CTR9: variants seen among roughly 807,000 people sequenced by gnomAD.
The protein encoded by CTR9 is CTR9 component of Paf1/RNA polymerase II complex, also known as RNA polymerase-associated protein CTR9 homolog.
CTR9 carries 41 observed loss-of-function variants against 152.1 expected under a neutral mutation model. The ratio of observed to expected loss-of-function variants is 0.27; its 90% CI spans 0.21 to 0.35. The LOEUF (loss-of-function observed/expected upper bound fraction) is 0.35, where lower values mean the gene tolerates loss of function less well. CTR9 is among the 10% of genes least tolerant of loss of function. The pLI is 1.00. For synonymous variants in CTR9, 476 were observed against 496.2 expected, an observed-to-expected ratio of 0.96 and a Z score of 0.54; for missense variants, 917 against 1,424.4, an observed-to-expected ratio of 0.64 and a Z score of 5.73.
chr11:10,775,185 C>A (rs762377102), intron 22 of CTR9, 22 bp from the exon 23 acceptor site: 1 of 1,589,064 alleles, frequency 6.3e-7, no homozygotes, highest in Non-Finnish European at 8.6e-7. Flanking sequence ...GACAAACTCT[C>A]TCTTGGTGTT....
rs1863290808 is a variant in CTR9, at chr11:10,779,091, G to A, written c.3508G>A (p.Asp1170Asn). The part of the protein sequence containing the change: ...ASDRGSEHGS[D>N]DSD ...AGATAGAGGCTCAGAACATGGGTCA[G>A]ATGATAGTGACTAGGTTTTATTTCA... The change falls in exon 25 of 25, where the codon GAT becomes AAT. Residue 1170 changes from aspartate to asparagine, a missense_variant. By Grantham distance (23) the Asp-to-Asn change is conservative. Coordinates refer to ENST00000361367, the MANE Select transcript of CTR9 (RefSeq NM_014633.5). 6.2e-7 allele frequency: 1 copy of A among 1,608,988 alleles called. No homozygotes were observed. The highest frequency in any genetic ancestry group is 1.3e-5 in the African/African-American group (1 of 74,734).
Position 10,764,434 on chromosome 11 carries a change from A to G in CTR9, c.1411A>G (p.Lys471Glu), listed in dbSNP as rs1353269681. The G allele has an allele frequency of 6.2e-7, 1 of 1,611,838 alleles. No individual in the cohort carries two copies. ...HFRLGNLGEA[K>E]KYFLASLDRA... ...TAGACTTGGAAACCTAGGGGAGGCT[A>G]AGGTAGGAAAATAGAAATATTTCCT... The change falls in exon 11 of 25, where the codon AAG becomes GAG. Residue 471 changes from lysine (K) to glutamate (E), a missense_variant and splice_region_variant. By Grantham distance (56) the Lys-to-Glu change is moderately conservative (BLOSUM62 1). This residue lies in a region of CTR9 where 133 missense variants were observed against 244.1 expected (regional missense o/e 0.54). Coordinates refer to ENST00000361367, the MANE Select transcript of CTR9 (RefSeq NM_014633.5).
intron 20 of CTR9, 95 bp from the exon 21 acceptor site, chr11:10,773,032 A>G (rs1863169101): frequency 5.5e-6 from 4 of 733,454 alleles, no homozygotes; most frequent in Non-Finnish European, 7.6e-6. Flanking sequence ...ATCTCAAAAG[A>G]AAAAAAAAAA....
Position 10,754,918 on chromosome 11 carries a change from A to G in CTR9, c.145-40A>G, listed in dbSNP as rs1349636531. 3.8e-6 allele frequency: 6 copies of G among 1,587,746 alleles called. No homozygotes were observed. The African/African-American group carries it at 4.1e-5, about 11-fold the overall frequency. On this transcript the variant is annotated intron_variant, in intron 2 of 24. Transcript: ENST00000361367. ...TTTGTGTACAACTTTTTATATGGACATATGCTTTAGTGATTCTAATTTGTT... is the reference window on the plus strand; with the variant it reads ...TTTGTGTACAACTTTTTATATGGACGTATGCTTTAGTGATTCTAATTTGTT...
Position 10,773,278 on chromosome 11 carries a change from GAT to G in CTR9, c.2727+9_2727+10del. ...AGAGGTGGTGGTGGTGGACGGGTAA[GAT>G]ATAATTCCTGCTAGCACAAGTGACC... is the stretch of plus-strand genomic sequence containing the variant. On this transcript the variant is annotated splice_donor_region_variant and intron_variant, in intron 21 of 24. Coordinates refer to ENST00000361367, the MANE Select transcript of CTR9 (RefSeq NM_014633.5). 1.2e-6 allele frequency: 2 copies of G among 1,609,748 alleles called. No homozygotes were observed. Among genetic ancestry groups the G allele is most frequent in the South Asian group, 1.1e-5 (1 of 89,834 alleles).
At chr11:10,762,545 G>A (rs1399333431) in intron 7 of CTR9, among the ~76,000 whole-genome samples, 1 of 152,178 alleles carries the variant, frequency 6.6e-6, no homozygotes, top group Non-Finnish European at 1.5e-5. Context: ...CTTATGGTAG[G>A]CAATGCTTTG....
intron 18 of CTR9, 71 bp downstream of exon 18, chr11:10,770,703 C>G (rs1251652621): frequency 7.2e-7 from 1 of 1,381,414 alleles, no homozygotes; most frequent in African/African-American, 1.4e-5. Context: ...TGAACTCTCC[C>G]GATTTTGTCT....
At chr11:10,760,361 G>T in intron 6 of CTR9, 40 bp downstream of exon 6, 14 of 1,584,326 alleles carry the variant, frequency 8.8e-6, no homozygotes, top group Non-Finnish European at 1.2e-5. Flanking sequence ...TAACTGCTTT[G>T]TCAGGCCCAC....
intron 2 of CTR9, among the ~76,000 whole-genome samples, chr11:10,754,548 G>A (rs910112039): frequency 6.6e-6 from 1 of 152,122 alleles, no homozygotes; most frequent in Non-Finnish European, 1.5e-5. Context: ...CCTTCTGAAA[G>A]TGTCCTCTGT....
intron 12 of CTR9, among the ~76,000 whole-genome samples, chr11:10,765,042 C>T (rs1477966980): frequency 3.3e-5 from 5 of 152,100 alleles, no homozygotes; most frequent in African/African-American, 1.2e-4. Flanking sequence ...TTGAAACATC[C>T]TTCTTTGATT....
In CTR9 at chr11:10,768,079, G is replaced by A; in HGVS notation, c.1878G>A (p.Lys626=). The part of the protein sequence containing the change: ...HQPTRDREKE[K]RHQDRALAIY... ...AAGAGCACTTGTTTCTATAGGAAAAGCGTCATCAAGATCGTGCTCTGGCCA... is the reference window on the plus strand; with the variant it reads ...AAGAGCACTTGTTTCTATAGGAAAAACGTCATCAAGATCGTGCTCTGGCCA... The change falls in exon 15 of 25, where the codon AAG becomes AAA. Residue 626 remains lysine, a synonymous_variant. Transcript: ENST00000361367. 4 of 1,614,072 alleles carry A rather than the reference G, an allele frequency of 2.5e-6. No homozygotes were observed. Among genetic ancestry groups the A allele is most frequent in the Non-Finnish European group, 3.4e-6 (4 of 1,180,006 alleles).
intron 22 of CTR9, 95 bp downstream of exon 22, chr11:10,774,264 C>T (rs942220900): frequency 2.1e-6 from 3 of 1,434,272 alleles, no homozygotes; most frequent in African/African-American, 2.9e-5. Flanking sequence ...TTGATGAACA[C>T]TTGATCCAAA....
chr11:10,762,502 G>C (rs1270639858), intron 7 of CTR9, among the ~76,000 whole-genome samples: 1 of 152,222 alleles, frequency 6.6e-6, no homozygotes, highest in African/African-American at 2.4e-5. Flanking sequence ...AAAAGGGAAA[G>C]ACACACAAAT....
intron 16 of CTR9, among the ~76,000 whole-genome samples, chr11:10,769,019 G>A (rs1192393322): frequency 6.6e-6 from 1 of 152,058 alleles, no homozygotes; most frequent in Non-Finnish European, 1.5e-5. Flanking sequence ...TCAGGAGTTC[G>A]AGACCAGCCT....
chr11:10,761,860 C>A, intron 6 of CTR9, 87 bp from the exon 7 acceptor site: 1 of 775,008 alleles, frequency 1.3e-6, no homozygotes, highest in Non-Finnish European at 2.1e-6. Flanking sequence ...GGATTTATAA[C>A]TTATTTCTTG....
chr11:10,767,597 TG>T lies in CTR9; in HGVS notation c.1687-207del. On this transcript the variant is annotated intron_variant, in intron 13 of 24. Transcript: ENST00000361367. This position sits in a 1 kb window ranked among gnomAD's most constrained non-coding sequence, Gnocchi z 4.0. ...TGTAAACTGAAAGCATTAATTAAAG[TG>T]GTGCAATTTTGTATAACTTAGCTTT... 2 of 530,848 alleles carry T rather than the reference TG, an allele frequency of 3.8e-6. No individual in the cohort carries two copies. Among genetic ancestry groups the T allele is most frequent in the South Asian group, 4.9e-5 (2 of 41,236 alleles). The allele number at this position is 530,848 out of a possible 1,614,324, so 32.9% of individuals were successfully genotyped here. A position where few individuals can be genotyped will look rare whatever the true frequency, so the allele number is the denominator to read the frequency against.
At chr11:10,756,340 A>G (rs1334637373) in intron 4 of CTR9, among the ~76,000 whole-genome samples, 1 of 152,082 alleles carries the variant, frequency 6.6e-6, no homozygotes, top group Non-Finnish European at 1.5e-5. Context: ...TGTGCAGGTT[A>G]TTTCATCACT....
rs573689289 is a variant in CTR9 at position 10,767,670 on chromosome 11, G to A, written c.1687-136G>A. On this transcript the variant is annotated intron_variant, in intron 13 of 24. Transcript: ENST00000361367. This position sits in a 1 kb window ranked among gnomAD's most constrained non-coding sequence, Gnocchi z 4.0. ...TTGGATTGCCATGCAAAAAAAAAAAGAAAGAAAGAAAAGAAAGAAAACCAC... is the reference window on the plus strand; with the variant it reads ...TTGGATTGCCATGCAAAAAAAAAAAAAAAGAAAGAAAAGAAAGAAAACCAC... 2.0e-3 allele frequency: 1,413 copies of A among 718,068 alleles called. 22 individuals carry two copies. The African/African-American group carries it at 0.024, about 12-fold the overall frequency. The allele number at this position is 718,068 out of a possible 1,614,324, so 44.5% of individuals were successfully genotyped here. A position where few individuals can be genotyped will look rare whatever the true frequency, so the allele number is the denominator to read the frequency against.
chr11:10,774,225 T>A, intron 22 of CTR9, 56 bp downstream of exon 22: 1 of 1,530,798 alleles, frequency 6.5e-7, no homozygotes, highest in Non-Finnish European at 8.7e-7. Context: ...GAAAGACCTT[T>A]TACCTTCTGA....
Sources: allele counts gnomAD v4.1 joint callset (sites outside exome capture counted in the v4.1 genomes callset), GRCh38; gene constraint gnomAD v4.1.1; regional missense constraint gnomAD v4.1.1; non-coding constraint Gnocchi (gnomAD v3.1); transcripts MANE v1.5; gene names NCBI Gene and HGNC (gene_info 2026-07-23, HGNC 2026-07-21).